The following MAP6 variants were observed in gnomAD, a reference collection of about 807,000 sequenced individuals.
MAP6 encodes microtubule associated protein 6.
A neutral mutation model predicts 42.4 loss-of-function variants in MAP6; 26 were observed. That is an observed-to-expected ratio of 0.61 (90% CI 0.45 to 0.85). MAP6 has a LOEUF of 0.85. Among genes scored for constraint, MAP6 ranks in the 40% least tolerant of loss-of-function variants. The pLI, the probability that MAP6 is intolerant of heterozygous loss-of-function variation, is 0.00. For synonymous variants in MAP6, 418 were observed against 443.8 expected (o/e 0.94, Z 0.73); for missense variants, 966 against 1,099.0 (o/e 0.88, Z 1.71).
Position 75,587,286 on chromosome 11 carries a change from C to T in MAP6, c.2215G>A (p.Gly739Ser), listed in dbSNP as rs760550040. ...TTCAGAGGTTCAGGGACTATACGAC[C>T]TTGATTCTTTGGAGGCTGTAGGACT... is the stretch of plus-strand genomic sequence containing the variant. Reference protein sequence around the residue: ...PTVLQPPKNQGRIVPEPLKNQ... With the variant: ...PTVLQPPKNQSRIVPEPLKNQ... Residue 739 changes from glycine to serine, a missense_variant, in exon 4 of 4, where the codon GGT (glycine) becomes AGT (serine). Gly to Ser is a moderately conservative substitution (Grantham distance 56). This residue lies in a region of MAP6 where 943 missense variants were observed against 1,049.9 expected (regional missense o/e 0.90). Transcript: ENST00000304771. The T allele has an allele frequency of 8.1e-6, 13 of 1,614,032 alleles. No individual in the cohort carries two copies. The African/African-American group carries it at 1.7e-4, about 22-fold the overall frequency.
chr11:75,638,183 T>C (rs1590792823), intron 1 of MAP6, among the ~76,000 whole-genome samples: 1 of 152,320 alleles, frequency 6.6e-6, no homozygotes, highest in East Asian at 1.9e-4. Context: ...CCCTCAGGCC[T>C]GGCTTACAGC....
At chr11:75,597,968 A>C (rs1345748883) in intron 3 of MAP6, among the ~76,000 whole-genome samples, 1 of 152,204 alleles carries the variant, frequency 6.6e-6, no homozygotes, top group African/African-American at 2.4e-5. Flanking sequence ...AACATGAGCT[A>C]TTGGCGAGGG....
chr11:75,602,186 C>G (rs915644541), intron 3 of MAP6, among the ~76,000 whole-genome samples: 1 of 152,104 alleles, frequency 6.6e-6, no homozygotes, highest in African/African-American at 2.4e-5. Flanking sequence ...TCTAGACTTG[C>G]TCCCTGCAGT....
rs576048842 is a variant in MAP6 at position 75,605,800 on chromosome 11, A to G, written c.1316+8T>C. On this transcript the variant is annotated splice_region_variant and intron_variant, in intron 3 of 3. Coordinates refer to ENST00000304771, the MANE Select transcript of MAP6 (RefSeq NM_033063.2). Reference sequence around the variant, plus strand: ...AGAAGAGTAAAAGGAAAGTGCAGGGAAATTTACTCTTTCGCCTCAGCCAGT... The same window carrying G: ...AGAAGAGTAAAAGGAAAGTGCAGGGGAATTTACTCTTTCGCCTCAGCCAGT... 1 of 1,613,472 alleles carries G rather than the reference A, an allele frequency of 6.2e-7. No individual in the cohort carries two copies. Among genetic ancestry groups the G allele is most frequent in the South Asian group, 1.1e-5 (1 of 91,028 alleles).
chr11:75,638,779 C>T (rs1943413919), intron 1 of MAP6, among the ~76,000 whole-genome samples: 1 of 152,142 alleles, frequency 6.6e-6, no homozygotes, highest in African/African-American at 2.4e-5. Flanking sequence ...AGAACTATCA[C>T]GCAATCCAGC....
At chr11:75,644,593 C>G (rs1417838199) in intron 1 of MAP6, among the ~76,000 whole-genome samples, 2 of 151,930 alleles carry the variant, frequency 1.3e-5, no homozygotes, top group Non-Finnish European at 2.9e-5. Context: ...TGCCTGATAC[C>G]AAAGTTTACC....
chr11:75,612,986 C>T (rs749167808), intron 1 of MAP6, among the ~76,000 whole-genome samples: 4 of 152,174 alleles, frequency 2.6e-5, no homozygotes, highest in Non-Finnish European at 4.4e-5. Context: ...AAATTTATGA[C>T]AGAATCCTAC....
At chr11:75,595,199 C>T (rs1942557071) in intron 3 of MAP6, among the ~76,000 whole-genome samples, 1 of 152,204 alleles carries the variant, frequency 6.6e-6, no homozygotes, top group African/African-American at 2.4e-5. Context: ...CCTCAGTGGC[C>T]ACTGGTTAGA....
rs183946753 is a variant in MAP6 at position 75,657,560 on chromosome 11, T to G, written c.905+9905A>C. 3.0e-4 allele frequency among the ~76,000 whole-genome samples: 45 copies of G among 152,342 alleles called. No homozygotes were observed. In the East Asian group the frequency reaches 7.5e-3, roughly 25 times the overall value. Reference sequence around the variant, plus strand: ...AAAGAATTATCTGGCCAATAATTGATAAACCCTGTGTATCAATCTCCTATA... The same window carrying G: ...AAAGAATTATCTGGCCAATAATTGAGAAACCCTGTGTATCAATCTCCTATA... On this transcript the variant is annotated intron_variant, in intron 1 of 3. Transcript: ENST00000304771.
intron 1 of MAP6, among the ~76,000 whole-genome samples, chr11:75,661,763 G>C (rs1943851063): frequency 6.6e-6 from 1 of 151,910 alleles, no homozygotes; most frequent in Non-Finnish European, 1.5e-5. Context: ...CACATCCCAA[G>C]GCAAGGATGT....
chr11:75,609,540 T>C (rs1942850414), intron 1 of MAP6, among the ~76,000 whole-genome samples: 1 of 152,242 alleles, frequency 6.6e-6, no homozygotes, highest in Non-Finnish European at 1.5e-5. Context: ...TGCCTTATGC[T>C]GGCAGGCCTT....
chr11:75,615,113 G>A (rs1942974794), intron 1 of MAP6, among the ~76,000 whole-genome samples: 1 of 152,234 alleles, frequency 6.6e-6, no homozygotes, highest in South Asian at 2.1e-4. Context: ...GCACATGCAA[G>A]CCTTTCGGAA....
Position 75,668,100 on chromosome 11 carries a change from G to A in MAP6, c.270C>T (p.Thr90=), listed in dbSNP as rs1026330535. ...ARATGPAPGP[T]GEREPAAGPG... ...GGCCCGCCGCCGGCTCGCGCTCGCC[G>A]GTAGGCCCAGGCGCTGGCCCCGTTG... is the stretch of plus-strand genomic sequence containing the variant. The change falls in exon 1 of 4, where the codon ACC becomes ACT. Residue 90 remains threonine (T), a synonymous_variant. Coordinates refer to ENST00000304771, the MANE Select transcript of MAP6 (RefSeq NM_033063.2). 3.3e-6 allele frequency: 4 copies of A among 1,206,490 alleles called. No individual in the cohort carries two copies. The African/African-American group carries it at 4.8e-5, about 14-fold the overall frequency. 74.7% of individuals were successfully genotyped at this position (1,206,490 alleles called of 1,614,324 possible).
At chr11:75,639,172 G>T (rs1033166958) in intron 1 of MAP6, among the ~76,000 whole-genome samples, 1 of 152,132 alleles carries the variant, frequency 6.6e-6, no homozygotes, top group Non-Finnish European at 1.5e-5. Context: ...GCGGGTAAAG[G>T]ATGAAGAATT....
chr11:75,595,291 C>T (rs1942558765), intron 3 of MAP6, among the ~76,000 whole-genome samples: 1 of 152,206 alleles, frequency 6.6e-6, no homozygotes, highest in Non-Finnish European at 1.5e-5. Context: ...CAGGGCCACC[C>T]TTTTAGTGAA....
chr11:75,630,631 C>A (rs1943270765), intron 1 of MAP6, among the ~76,000 whole-genome samples: 1 of 152,130 alleles, frequency 6.6e-6, no homozygotes, highest in Admixed American at 6.5e-5. Flanking sequence ...ACTAGTCACT[C>A]CTAAAAATAG....
At chr11:75,659,935 A>T (rs570108395) in intron 1 of MAP6, among the ~76,000 whole-genome samples, 1 of 152,338 alleles carries the variant, frequency 6.6e-6, no homozygotes, top group African/African-American at 2.4e-5. Context: ...TTAATCGTAT[A>T]TATCTTACCT....
chr11:75,618,999 G>A (rs1943056461), intron 1 of MAP6, among the ~76,000 whole-genome samples: 1 of 152,176 alleles, frequency 6.6e-6, no homozygotes, highest in South Asian at 2.1e-4. Flanking sequence ...GAGTGGGTGG[G>A]AGGGAAGATA....
At chr11:75,662,131 A>T (rs976147445) in intron 1 of MAP6, among the ~76,000 whole-genome samples, 3 of 152,182 alleles carry the variant, frequency 2.0e-5, no homozygotes, top group African/African-American at 7.2e-5. Flanking sequence ...GAGAACCCAG[A>T]TATAATATCT....
Sources: gnomAD v4.1 joint callset for allele counts (sites outside exome capture counted in the v4.1 genomes callset) on GRCh38, gnomAD v4.1.1 for gene constraint, gnomAD v4.1.1 regional missense constraint, MANE v1.5 for transcripts, NCBI Gene and HGNC (gene_info 2026-07-23, HGNC 2026-07-21) for gene names.